Variants in LRRK2 observed in about 807,000 individuals in gnomAD.
The protein encoded by LRRK2 is leucine rich repeat kinase 2, also known as leucine-rich repeat serine/threonine-protein kinase 2.
Under a neutral mutation model 302.6 loss-of-function variants are expected in LRRK2, and 203 were observed. That is an observed-to-expected ratio of 0.67 (90% CI 0.60 to 0.75). The LOEUF (loss-of-function observed/expected upper bound fraction) is 0.75, where lower values mean the gene tolerates loss of function less well. Among genes scored for constraint, LRRK2 ranks in the 30% least tolerant of loss-of-function variants. The probability of loss-of-function intolerance (pLI) is 0.00; values close to 1 mark genes in which losing one functional copy is unlikely to be tolerated. For missense variants in LRRK2, 2,830 were observed against 2,951.0 expected, an observed-to-expected ratio of 0.96 and a Z score of 0.95; for synonymous variants, 1,066 against 1,031.9, an observed-to-expected ratio of 1.03 and a Z score of -0.63.
At position 40,265,425 on chromosome 12, in the gene LRRK2, A is replaced by C. The variant is rs145034676; in HGVS notation, c.1656+1524A>C. Among the ~76,000 whole-genome samples the C allele has an allele frequency of 4.2e-3, 634 of 152,336 alleles. 1 individual carries two copies. Among genetic ancestry groups the C allele is most frequent in the African/African-American group, 0.014 (583 of 41,574 alleles). On this transcript the variant is annotated intron_variant, in intron 14 of 50. Transcript: ENST00000298910. ...TTTGCAAGTTAAGTGAGGAATAGAC[A>C]CTTATACCCTGACAGAATTCAGGGT...
intron 6 of LRRK2, among the ~76,000 whole-genome samples, chr12:40,240,818 G>A (rs1054697038): frequency 1.3e-5 from 2 of 152,052 alleles, no homozygotes; most frequent in African/African-American, 4.8e-5. Context: ...AGAAACAATC[G>A]TGGAAAATAC....
intron 28 of LRRK2, among the ~76,000 whole-genome samples, chr12:40,307,399 A>G (rs941547113): frequency 2.6e-5 from 4 of 152,090 alleles, no homozygotes; most frequent in African/African-American, 9.7e-5. Context: ...TATATTTTTG[A>G]TAACACTTTG....
chr12:40,310,659 T>C lies in LRRK2; in HGVS notation c.4536+10T>C. On this transcript the variant is annotated intron_variant, in intron 31 of 50. Coordinates refer to ENST00000298910, the MANE Select transcript of LRRK2 (RefSeq NM_198578.4). ...GAGCCTTAATTTCAAGGTAACATGG[T>C]AGGCTGGTAGAGAAATGTAATTTAT... 6.2e-7 allele frequency: 1 copy of C among 1,611,598 alleles called. No individual in the cohort carries two copies. The highest frequency in any genetic ancestry group is 8.5e-7 in the Non-Finnish European group (1 of 1,178,200).
chr12:40,353,668 C>T (rs535138308), intron 44 of LRRK2, among the ~76,000 whole-genome samples: 18 of 152,326 alleles, frequency 1.2e-4, no homozygotes, highest in African/African-American at 1.7e-4. Context: ...GCCAAGATCA[C>T]GCCACTGCAC....
At chr12:40,283,799 G>A (rs1212887299) in intron 18 of LRRK2, 76 bp from the exon 19 acceptor site, 9 of 1,283,288 alleles carry the variant, frequency 7.0e-6, no homozygotes, top group Middle Eastern at 2.5e-4. Flanking sequence ...AAAATCACAT[G>A]AAGTTTGATT....
chr12:40,320,888 GA>G, intron 34 of LRRK2, 145 bp from the exon 35 acceptor site: 1 of 1,010,802 alleles, frequency 9.9e-7, no homozygotes, highest in Non-Finnish European at 1.5e-6. Context: ...TTTGGTGTAG[GA>G]AAAATATGTA....
chr12:40,282,131 TC>T (rs1943736175), intron 18 of LRRK2, among the ~76,000 whole-genome samples: 2 of 71,842 alleles, frequency 2.8e-5, no homozygotes, highest in African/African-American at 1.1e-4. Context: ...TCCCCTCCCC[TC>T]CCCTCCCCTC....
At chr12:40,280,049 G>A (rs1357504485) in intron 18 of LRRK2, among the ~76,000 whole-genome samples, 1 of 152,200 alleles carries the variant, frequency 6.6e-6, no homozygotes, top group Non-Finnish European at 1.5e-5. Flanking sequence ...TACATGATTG[G>A]TAGAGAAGAA....
chr12:40,364,956 C>A lies in LRRK2; in HGVS notation c.7296C>A (p.Gly2432=), dbSNP rs199964631. The change falls in exon 49 of 51, where the codon GGC becomes GGA. Residue 2432 remains glycine (G), a synonymous_variant. Transcript: ENST00000298910. ...NTALWIGTGG[G]HILLLDLSTR... ...CTCTTTGGATAGGAACTGGAGGAGG[C>A]CATATTTTACTCCTGGATCTTTCAA... is the stretch of plus-strand genomic sequence containing the variant. 1 of 1,612,488 alleles carries A rather than the reference C, an allele frequency of 6.2e-7. No homozygotes were observed. The highest frequency in any genetic ancestry group is 1.1e-5 in the South Asian group (1 of 91,054).
At chr12:40,265,883 C>G (rs992358707) in intron 14 of LRRK2, among the ~76,000 whole-genome samples, 17 of 151,996 alleles carry the variant, frequency 1.1e-4, no homozygotes, top group African/African-American at 4.1e-4. Flanking sequence ...ACAAACCTGA[C>G]AAAAACAAGA....
Position 40,308,649 on chromosome 12 carries a change from G to C in LRRK2, c.4142G>C (p.Arg1381Thr), listed in dbSNP as rs527709576. Reference protein sequence around the residue: ...IDVKDWPIQIRDKRKRDLVLN... With the variant: ...IDVKDWPIQITDKRKRDLVLN... ...GTGAAAGACTGGCCTATCCAAATAA[G>C]AGACAAAAGAAAGAGAGATCTCGTC... Residue 1381 changes from arginine (R) to threonine (T), a missense_variant, in exon 29 of 51, where the codon AGA becomes ACA. By Grantham distance (71) the Arg-to-Thr change is moderately conservative. Around this residue, in one of 3 missense-constraint regions of LRRK2, gnomAD observed 2,121 missense variants for 2,148.0 expected, o/e 0.99. Coordinates refer to ENST00000298910, the MANE Select transcript of LRRK2 (RefSeq NM_198578.4). 2.5e-6 allele frequency: 4 copies of C among 1,613,946 alleles called. No individual in the cohort carries two copies. The African/African-American group carries it at 5.3e-5, about 22-fold the overall frequency.
chr12:40,321,070 T>C lies in LRRK2; in HGVS notation c.5052T>C (p.His1684=), dbSNP rs756561737. 6 of 1,612,888 alleles carry C rather than the reference T, an allele frequency of 3.7e-6. No individual in the cohort carries two copies. The highest frequency in any genetic ancestry group is 5.1e-6 in the Non-Finnish European group (6 of 1,179,034). Residue 1684 remains histidine (H), a synonymous_variant, in exon 35 of 51, where the codon CAT becomes CAC. Coordinates refer to ENST00000298910, the MANE Select transcript of LRRK2 (RefSeq NM_198578.4). ...ACAGGCCTGTGATAGAGCTTCCCCA[T>C]TGTGAGAACTCTGAAATTATCATCC... ...SDHRPVIELP[H]CENSEIIIRL...
rs757923299 is a variant in LRRK2 at position 40,243,625 on chromosome 12, C to T, written c.782C>T (p.Pro261Leu). The T allele has an allele frequency of 4.3e-6, 7 of 1,612,020 alleles. No individual in the cohort carries two copies. The South Asian group carries it at 5.5e-5, about 13-fold the overall frequency. The change falls in exon 7 of 51, where the codon CCT (proline) becomes CTT (leucine). Residue 261 changes from proline to leucine, a missense_variant. This residue lies in a region of LRRK2 where 2,121 missense variants were observed against 2,148.0 expected (regional missense o/e 0.99). Coordinates refer to ENST00000298910, the MANE Select transcript of LRRK2 (RefSeq NM_198578.4). Reference sequence around the variant, plus strand: ...GTGGTGGAAGCTATGAAAGCATTCCCTATGAGTGAAAGAATTCAAGAAGTG... The same window carrying T: ...GTGGTGGAAGCTATGAAAGCATTCCTTATGAGTGAAAGAATTCAAGAAGTG... ...NIVVEAMKAF[P>L]MSERIQEVSC...
chr12:40,310,726 GAGC>G, intron 31 of LRRK2, 77 bp downstream of exon 31: 2 of 1,421,864 alleles, frequency 1.4e-6, no homozygotes, highest in Non-Finnish European at 2.0e-6. Context: ...TTTGAGAAGT[GAGC>G]AACTCACTTA....
rs1942878508 is a variant in LRRK2, at chr12:40,263,678, A to G, written c.1544-111A>G. 7 of 725,142 alleles carry G rather than the reference A, an allele frequency of 9.7e-6. No homozygotes were observed. The Admixed American group carries it at 1.9e-4, about 19-fold the overall frequency. 44.9% of individuals were successfully genotyped at this position (725,142 alleles called of 1,614,324 possible). On this transcript the variant is annotated intron_variant, in intron 13 of 50. Coordinates refer to ENST00000298910, the MANE Select transcript of LRRK2 (RefSeq NM_198578.4). ...AAGGAAACATGTACTAGAAAAAAGT[A>G]CAACACATATATTGTGAGATTAATT...
rs1396241468 is a variant in LRRK2, at chr12:40,281,715, T to A, written c.2242-2160T>A. 2.6e-5 allele frequency among the ~76,000 whole-genome samples: 4 copies of A among 152,372 alleles called. No homozygotes were observed. The East Asian group carries it at 7.7e-4, about 29-fold the overall frequency. ...TTATTTTATCAGATTCACTTTCTCA[T>A]ATATGTCTCTCTTCATGGCACCATA... On this transcript the variant is annotated intron_variant, in intron 18 of 50. Coordinates refer to ENST00000298910, the MANE Select transcript of LRRK2 (RefSeq NM_198578.4).
intron 12 of LRRK2, among the ~76,000 whole-genome samples, chr12:40,258,941 G>T (rs936680757): frequency 3.9e-5 from 6 of 152,140 alleles, no homozygotes; most frequent in African/African-American, 1.4e-4. Context: ...TTGCTCATAT[G>T]TAAAAGAAAG....
At chr12:40,248,220 A>T (rs1942094210) in intron 7 of LRRK2, among the ~76,000 whole-genome samples, 1 of 152,216 alleles carries the variant, frequency 6.6e-6, no homozygotes, top group Non-Finnish European at 1.5e-5. Context: ...TACAACTTGC[A>T]CATGTTACAT....
At chr12:40,298,616 A>T in intron 24 of LRRK2, 123 bp downstream of exon 24, 1 of 1,309,256 alleles carries the variant, frequency 7.6e-7, no homozygotes. Flanking sequence ...TACTAAAAAT[A>T]CAAAAATTAG....
Sources: allele counts gnomAD v4.1 joint callset (sites outside exome capture counted in the v4.1 genomes callset), GRCh38; gene constraint gnomAD v4.1.1; regional missense constraint gnomAD v4.1.1; transcripts MANE v1.5; gene names NCBI Gene and HGNC (gene_info 2026-07-23, HGNC 2026-07-21).